The following CALN1 variants were observed in gnomAD, a reference collection of about 807,000 sequenced individuals.
CALN1 encodes the protein calneuron 1.
CALN1 carries 17 observed loss-of-function variants against 30.6 expected under a neutral mutation model. That is an observed-to-expected ratio of 0.56 (90% CI 0.38 to 0.83). The LOEUF is 0.83. Among genes scored for constraint, CALN1 ranks in the 40% least tolerant of loss-of-function variants. The probability of loss-of-function intolerance (pLI) is 0.00; values close to 1 mark genes in which losing one functional copy is unlikely to be tolerated. For missense variants in CALN1, 291 were observed against 354.9 expected (o/e 0.82, Z 1.45); for synonymous variants, 156 against 131.4 (o/e 1.19, Z -1.28).
intron 1 of CALN1, among the ~76,000 whole-genome samples, chr7:72,404,640 A>G (rs1020063506): frequency 2.0e-5 from 3 of 152,298 alleles, no homozygotes. Context: ...TGAACATTGT[A>G]TCCTGGGAAG....
chr7:72,297,164 C>T (rs1387994047), intron 2 of CALN1, among the ~76,000 whole-genome samples: 3 of 152,068 alleles, frequency 2.0e-5, no homozygotes, highest in Non-Finnish European at 4.4e-5. Context: ...ATCTTTATTT[C>T]TGCCTTCATT....
At chr7:72,131,186 T>TAA (rs1809119714) in intron 3 of CALN1, among the ~76,000 whole-genome samples, 1 of 152,112 alleles carries the variant, frequency 6.6e-6, no homozygotes, top group East Asian at 1.9e-4. Flanking sequence ...ATAAGTACTA[T>TAA]AATATCCATA....
chr7:71,815,621 G>A (rs540601113), intron 5 of CALN1, among the ~76,000 whole-genome samples: 4 of 152,244 alleles, frequency 2.6e-5, no homozygotes, highest in South Asian at 2.1e-4. Flanking sequence ...TTAGTCAAGG[G>A]TGAACACAAA....
chr7:72,351,145 A>C (rs1802898778), intron 2 of CALN1, among the ~76,000 whole-genome samples: 1 of 148,426 alleles, frequency 6.7e-6, no homozygotes, highest in Non-Finnish European at 1.5e-5. Context: ...AAAATAAACA[A>C]ATAAATAAAT....
At chr7:72,417,757 G>A (rs1490692255) in intron 1 of CALN1, among the ~76,000 whole-genome samples, 1 of 152,140 alleles carries the variant, frequency 6.6e-6, no homozygotes, top group Non-Finnish European at 1.5e-5. Flanking sequence ...CATTAGTCAT[G>A]GTTGTGGGAG....
intron 4 of CALN1, among the ~76,000 whole-genome samples, chr7:72,060,721 G>T (rs760863753): frequency 6.6e-6 from 1 of 152,104 alleles, no homozygotes; most frequent in Non-Finnish European, 1.5e-5. Flanking sequence ...ATGCATGGTA[G>T]TGAGTTCACG....
At chr7:71,944,765 T>C (rs764475360) in intron 5 of CALN1, among the ~76,000 whole-genome samples, 3 of 152,346 alleles carry the variant, frequency 2.0e-5, no homozygotes, top group Non-Finnish European at 4.4e-5. Context: ...GAATCTGTTA[T>C]GTTTACAAAC....
intron 2 of CALN1, among the ~76,000 whole-genome samples, chr7:72,360,014 A>C (rs914789290): frequency 2.0e-5 from 3 of 148,168 alleles, no homozygotes; most frequent in Admixed American, 6.8e-5. Flanking sequence ...TGGATTCTGC[A>C]AAAATGTGAA....
chr7:71,850,254 C>T (rs1456829218), intron 5 of CALN1, among the ~76,000 whole-genome samples: 1 of 152,106 alleles, frequency 6.6e-6, no homozygotes, highest in African/African-American at 2.4e-5. Context: ...CTTGGTCTGT[C>T]ACCCAGGCTG....
intron 1 of CALN1, among the ~76,000 whole-genome samples, chr7:72,404,223 T>C (rs576545718): frequency 2.6e-5 from 4 of 152,326 alleles, no homozygotes; most frequent in African/African-American, 7.2e-5. Context: ...CTGTCATTTG[T>C]CCACAATCTC....
At chr7:72,124,196 T>C (rs536126925) in intron 3 of CALN1, among the ~76,000 whole-genome samples, 1 of 152,174 alleles carries the variant, frequency 6.6e-6, no homozygotes, top group Non-Finnish European at 1.5e-5. Context: ...ATTTGGGGAT[T>C]CTGAAGGTAA....
intron 3 of CALN1, among the ~76,000 whole-genome samples, chr7:72,195,080 T>A (rs1790893338): frequency 6.6e-6 from 1 of 152,214 alleles, no homozygotes; most frequent in Admixed American, 6.5e-5. Context: ...CAAGTCACTT[T>A]ACAGTTCGTC....
chr7:72,406,484 A>G (rs894270234), intron 1 of CALN1, among the ~76,000 whole-genome samples: 2 of 152,154 alleles, frequency 1.3e-5, no homozygotes, highest in South Asian at 4.1e-4. Context: ...TTTGTCCTCT[A>G]AAGTCCATTT....
intron 5 of CALN1, among the ~76,000 whole-genome samples, chr7:71,949,460 T>C (rs771160683): frequency 6.6e-6 from 1 of 152,154 alleles, no homozygotes; most frequent in African/African-American, 2.4e-5. Flanking sequence ...CTCAGCTCAC[T>C]GCAACCTCTC....
intron 2 of CALN1, among the ~76,000 whole-genome samples, chr7:72,321,570 CA>C (rs1800883996): frequency 6.6e-6 from 1 of 152,218 alleles, no homozygotes; most frequent in Non-Finnish European, 1.5e-5. Context: ...CACCTGGAAA[CA>C]AGCTGTTGAA....
chr7:72,249,469 A>ACACT lies in CALN1; in HGVS notation c.244+29213_244+29216dup, dbSNP rs142587696. ...GCAGGACTAGCCCAGGCAAGAAGGC[A>ACACT]CACTTTTCCCCCAGATCTATCCACA... On this transcript the variant is annotated intron_variant, in intron 3 of 6. Coordinates refer to ENST00000395275, the MANE Select transcript of CALN1 (RefSeq NM_031468.4). Among the ~76,000 whole-genome samples the ACACT allele has an allele frequency of 6.1e-3, 930 of 152,062 alleles. 11 individuals carry two copies. The highest frequency in any genetic ancestry group is 0.022 in the African/African-American group (899 of 41,420).
chr7:72,015,303 G>C (rs1800312405), intron 5 of CALN1, among the ~76,000 whole-genome samples: 1 of 152,208 alleles, frequency 6.6e-6, no homozygotes, highest in Admixed American at 6.5e-5. Flanking sequence ...ACTCAAGCCA[G>C]CGTTGACGTC....
chr7:72,048,736 T>C (rs919451527), intron 4 of CALN1, among the ~76,000 whole-genome samples: 1 of 151,076 alleles, frequency 6.6e-6, no homozygotes, highest in Non-Finnish European at 1.5e-5. Context: ...TTCCTTCCTT[T>C]CTTCTCTGCC....
chr7:72,023,898 T>C, intron 4 of CALN1, 129 bp from the exon 5 acceptor site: 1 of 592,022 alleles, frequency 1.7e-6, no homozygotes, highest in Non-Finnish European at 3.0e-6. Context: ...CTGGTAACAT[T>C]ACTTAAAACT....
Sources: allele counts gnomAD v4.1 joint callset (sites outside exome capture counted in the v4.1 genomes callset), GRCh38; gene constraint gnomAD v4.1.1; transcripts MANE v1.5; gene names NCBI Gene and HGNC (gene_info 2026-07-23, HGNC 2026-07-21).